EME2: variants seen among roughly 807,000 people sequenced by gnomAD.
The protein encoded by EME2 is essential meiotic structure-specific endonuclease subunit 2, also known as structure-specific endonuclease subunit EME2.
Under a neutral mutation model 41.9 loss-of-function variants are expected in EME2, and 58 were observed. That is an observed-to-expected ratio of 1.38 (90% confidence interval 1.12 to 1.72). EME2 has a LOEUF of 1.72. Ranked by LOEUF, EME2 falls within the 40% of genes most tolerant of loss-of-function variation. The pLI is 0.00. For missense variants in EME2, 695 were observed against 541.9 expected (o/e 1.28, Z -2.81); for synonymous variants, 334 against 239.3 (o/e 1.40, Z -3.65).
At chr16:1,775,544 G>A (rs754237809) in intron 5 of EME2, 25 bp from the exon 6 acceptor site, 105 of 1,610,232 alleles carry the variant, frequency 6.5e-5, no homozygotes, top group South Asian at 6.6e-5. Flanking sequence ...TCTGGCTCGT[G>A]CCCATCAGCT....
Position 1,776,995 on chromosome 16 carries a change from C to G in EME2, c.*757C>G, listed in dbSNP as rs2042723228. The G allele has an allele frequency of 1.4e-6, 2 of 1,391,288 alleles. No homozygotes were observed. Among genetic ancestry groups the G allele is most frequent in the Non-Finnish European group, 2.0e-6 (2 of 1,024,278 alleles). 86.2% of individuals were successfully genotyped at this position (1,391,288 alleles called of 1,614,324 possible). A position where few individuals can be genotyped will look rare whatever the true frequency, so the allele number is the denominator to read the frequency against. Reference sequence around the variant, plus strand: ...TGGCTCCCTCCGGACGGGCCTCATCCAACTCCGCCCTGGAGTGTGGCTGGA... The same window carrying G: ...TGGCTCCCTCCGGACGGGCCTCATCGAACTCCGCCCTGGAGTGTGGCTGGA... On this transcript the variant is annotated 3_prime_UTR_variant, in exon 8 of 8. Coordinates refer to ENST00000568449, the MANE Select transcript of EME2 (RefSeq NM_001257370.2).
rs766944869 is a variant in EME2, at chr16:1,778,060, G to A, written c.*1822G>A. ...CCGATGCCCACCATCTAGGAACAGG[G>A]GCCAGGCAGAGGGCGCGGGGCTGGG... is the stretch of plus-strand genomic sequence containing the variant. On this transcript the variant is annotated 3_prime_UTR_variant, in exon 8 of 8. Transcript: ENST00000568449. 11 of 1,613,010 alleles carry A rather than the reference G, an allele frequency of 6.8e-6. No homozygotes were observed. Among genetic ancestry groups the A allele is most frequent in the Admixed American group, 1.7e-5 (1 of 60,002 alleles).
Position 1,780,952 on chromosome 16 carries a change from C to G in EME2, c.*4714C>G. The G allele has an allele frequency of 2.8e-6, 1 of 352,116 alleles. No homozygotes were observed. Among genetic ancestry groups the G allele is most frequent in the South Asian group, 2.3e-5 (1 of 44,350 alleles). The allele number at this position is 352,116 out of a possible 1,614,324, so 21.8% of individuals were successfully genotyped here. ...TTCACCATGTTGCCCAGGCAGGTCT[C>G]AAACTCCTGGGCTCAAGTGGTCCTC... On this transcript the variant is annotated 3_prime_UTR_variant, in exon 8 of 8. Coordinates refer to ENST00000568449, the MANE Select transcript of EME2 (RefSeq NM_001257370.2).
intron 2 of EME2, 139 bp downstream of exon 2, chr16:1,773,980 G>A (rs901086909): frequency 1.7e-6 from 2 of 1,189,526 alleles, no homozygotes; most frequent in Non-Finnish European, 2.3e-6. Context: ...ATGGAGAACG[G>A]GAAGTGGAGG....
rs750216641 is a variant in EME2, at chr16:1,777,698, T to G, written c.*1460T>G. The G allele has an allele frequency of 2.5e-6, 4 of 1,599,282 alleles. No individual in the cohort carries two copies. The South Asian group carries it at 4.4e-5, about 18-fold the overall frequency. On this transcript the variant is annotated 3_prime_UTR_variant, in exon 8 of 8. Coordinates refer to ENST00000568449, the MANE Select transcript of EME2 (RefSeq NM_001257370.2). ...CCTGGGCTGGGGCGGGGTGGCTGCC[T>G]CCCTCGGGGTGACAGCTGAGAGGAG... is the stretch of plus-strand genomic sequence containing the variant.
chr16:1,773,147 C>A lies in EME2; in HGVS notation c.-81C>A. On this transcript the variant is annotated 5_prime_UTR_variant, in exon 1 of 8. Transcript: ENST00000568449. ...CGGGTCCGCGTCCTCAGCGGTCCGG[C>A]CGGAAGTCACCGGAAGAGGCCGGTG... 1 of 1,393,722 alleles carries A rather than the reference C, an allele frequency of 7.2e-7. No homozygotes were observed. The highest frequency in any genetic ancestry group is 2.9e-5 in the East Asian group (1 of 34,788). The allele number at this position is 1,393,722 out of a possible 1,614,324, so 86.3% of individuals were successfully genotyped here.
chr16:1,778,768 G>A lies in EME2; in HGVS notation c.*2530G>A. 1.3e-6 allele frequency: 1 copy of A among 776,088 alleles called. No homozygotes were observed. Among genetic ancestry groups the A allele is most frequent in the Non-Finnish European group, 1.9e-6 (1 of 519,124 alleles). 48.1% of individuals were successfully genotyped at this position (776,088 alleles called of 1,614,324 possible). On this transcript the variant is annotated 3_prime_UTR_variant, in exon 8 of 8. Transcript: ENST00000568449. ...CACAGTACCCCGAGCGCACAGCCCA[G>A]GCTCCCTCCCAACGGGCTCCGGCTC...
rs891304369 is a variant in EME2 at position 1,772,945 on chromosome 16, G to T, written c.-283G>T. 2 of 1,447,326 alleles carry T rather than the reference G, an allele frequency of 1.4e-6. No homozygotes were observed. The highest frequency in any genetic ancestry group is 1.8e-6 in the Non-Finnish European group (2 of 1,105,812). The allele number at this position is 1,447,326 out of a possible 1,614,324, so 89.7% of individuals were successfully genotyped here. A position where few individuals can be genotyped will look rare whatever the true frequency, so the allele number is the denominator to read the frequency against. ...AGCTGCAAGAGGCGGCTCTCGCGGC[G>T]CACGTCGGCCCAGGCCCGGACCGGC... is the stretch of plus-strand genomic sequence containing the variant. On this transcript the variant is annotated 5_prime_UTR_variant, in exon 1 of 8. Transcript: ENST00000568449.
At position 1,781,334 on chromosome 16, in the gene EME2, T is replaced by G; in HGVS notation, c.*5096T>G. 1 of 1,612,878 alleles carries G rather than the reference T, an allele frequency of 6.2e-7. No individual in the cohort carries two copies. Among genetic ancestry groups the G allele is most frequent in the Non-Finnish European group, 8.5e-7 (1 of 1,179,984 alleles). On this transcript the variant is annotated 3_prime_UTR_variant, in exon 8 of 8. Coordinates refer to ENST00000568449, the MANE Select transcript of EME2 (RefSeq NM_001257370.2). ...ATCTCCACACCTTAGGCCAGCCACG[T>G]CCGCCTCGCCCGCTGGAACCTACCT...
rs1181200326 is a variant in EME2, at chr16:1,780,646, G to A, written c.*4408G>A. 1 of 160,526 alleles carries A rather than the reference G, an allele frequency of 6.2e-6. No homozygotes were observed. Among genetic ancestry groups the A allele is most frequent in the Non-Finnish European group, 1.4e-5 (1 of 72,378 alleles). 9.9% of individuals were successfully genotyped at this position (160,526 alleles called of 1,614,324 possible). A position where few individuals can be genotyped will look rare whatever the true frequency, so the allele number is the denominator to read the frequency against. On this transcript the variant is annotated 3_prime_UTR_variant, in exon 8 of 8. Coordinates refer to ENST00000568449, the MANE Select transcript of EME2 (RefSeq NM_001257370.2). ...ATATGTGAACAAAGAGTATGCGTTT[G>A]TACTGGCAGAAGAAGCGTCTGGTAA...
Position 1,775,604 on chromosome 16 carries a change from C to T in EME2, c.699C>T (p.Asp233=), listed in dbSNP as rs139103048. The T allele has an allele frequency of 3.3e-3, 5,300 of 1,612,928 alleles. 18 individuals are homozygous for T. The highest frequency in any genetic ancestry group is 6.8e-3 in the Middle Eastern group (41 of 6,062). ...TCCTGCAGCTCTGGGCAAACCTGGA[C>T]GTGCTACTGGTGGCCTCTTGGCAGG... ...LVLLQLWANL[D]VLLVASWQEL... The change falls in exon 6 of 8, where the codon GAC becomes GAT. Residue 233 remains aspartate (D), a synonymous_variant. Coordinates refer to ENST00000568449, the MANE Select transcript of EME2 (RefSeq NM_001257370.2).
At chr16:1,773,501 CGGG>C (rs781430565) in intron 1 of EME2, 27 bp downstream of exon 1, 1 of 1,574,926 alleles carries the variant, frequency 6.3e-7, no homozygotes, top group South Asian at 1.1e-5. Flanking sequence ...GGGCGATACT[CGGG>C]GTAGGAAAGG....
In EME2 at chr16:1,773,191, G is replaced by A; in HGVS notation, c.-37G>A. 1 of 1,435,038 alleles carries A rather than the reference G, an allele frequency of 7.0e-7. No homozygotes were observed. Among genetic ancestry groups the A allele is most frequent in the South Asian group, 1.5e-5 (1 of 66,898 alleles). 88.9% of individuals were successfully genotyped at this position (1,435,038 alleles called of 1,614,324 possible). ...GCCGGTGTCCCAGGCTAAAGTGTTC[G>A]GTCGCGGCCGGAAGCGAGGAAGAGG... On this transcript the variant is annotated 5_prime_UTR_variant, in exon 1 of 8. Transcript: ENST00000568449.
At chr16:1,773,648 A>G in intron 1 of EME2, 57 bp from the exon 2 acceptor site, 1 of 1,545,424 alleles carries the variant, frequency 6.5e-7, no homozygotes, top group Non-Finnish European at 8.7e-7. Context: ...CCGCCCAGGT[A>G]GGGCGCTCGC....
At position 1,772,935 on chromosome 16, in the gene EME2, C is replaced by T; in HGVS notation, c.-293C>T. ...GCGGCCGAGCAGCTGCAAGAGGCGG[C>T]TCTCGCGGCGCACGTCGGCCCAGGC... On this transcript the variant is annotated 5_prime_UTR_variant, in exon 1 of 8. Transcript: ENST00000568449. The T allele has an allele frequency of 6.9e-7, 1 of 1,446,968 alleles. No homozygotes were observed. The highest frequency in any genetic ancestry group is 2.7e-5 in the East Asian group (1 of 36,904). 89.6% of individuals were successfully genotyped at this position (1,446,968 alleles called of 1,614,324 possible). A position where few individuals can be genotyped will look rare whatever the true frequency, so the allele number is the denominator to read the frequency against.
chr16:1,778,193 C>T lies in EME2; in HGVS notation c.*1955C>T, dbSNP rs1472636704. 2 of 1,612,882 alleles carry T rather than the reference C, an allele frequency of 1.2e-6. No homozygotes were observed. The highest frequency in any genetic ancestry group is 1.7e-6 in the Non-Finnish European group (2 of 1,179,970). ...ATCTCCCAGAAGTGCTGGCCCTCCC[C>T]CAGCTCCTTGGTGCCCCGGATGGCC... is the stretch of plus-strand genomic sequence containing the variant. On this transcript the variant is annotated 3_prime_UTR_variant, in exon 8 of 8. Coordinates refer to ENST00000568449, the MANE Select transcript of EME2 (RefSeq NM_001257370.2).
rs1338745695 is a variant in EME2, at chr16:1,773,680, C to G, written c.248-25C>G. On this transcript the variant is annotated intron_variant, in intron 1 of 7. Coordinates refer to ENST00000568449, the MANE Select transcript of EME2 (RefSeq NM_001257370.2). Reference sequence around the variant, plus strand: ...TCGCGAGGGTGGAAGGAAGCAGTGACCGCGCTCCTCTCCCCCGGTCCCAGC... The same window carrying G: ...TCGCGAGGGTGGAAGGAAGCAGTGAGCGCGCTCCTCTCCCCCGGTCCCAGC... The G allele has an allele frequency of 3.2e-6, 5 of 1,547,718 alleles. No homozygotes were observed. In the African/African-American group the frequency reaches 4.1e-5, roughly 13 times the overall value.
intron 1 of EME2, 63 bp downstream of exon 1, chr16:1,773,537 C>A: frequency 1.3e-6 from 2 of 1,532,182 alleles, no homozygotes; most frequent in East Asian, 2.4e-5. Context: ...AGGCGGCGCC[C>A]TCTGTCCGAC....
chr16:1,779,190 T>C lies in EME2; in HGVS notation c.*2952T>C, dbSNP rs2042758019. 6.6e-6 allele frequency: 1 copy of C among 152,624 alleles called. No individual in the cohort carries two copies. The highest frequency in any genetic ancestry group is 1.5e-5 in the Non-Finnish European group (1 of 68,278). The allele number at this position is 152,624 out of a possible 1,614,324, so 9.5% of individuals were successfully genotyped here. A position where few individuals can be genotyped will look rare whatever the true frequency, so the allele number is the denominator to read the frequency against. ...CCAGCCCCTTCACCCCTGTTCCATT[T>C]TTCTTCTTTTGCTTCACTGAAGTTC... On this transcript the variant is annotated 3_prime_UTR_variant, in exon 8 of 8. Coordinates refer to ENST00000568449, the MANE Select transcript of EME2 (RefSeq NM_001257370.2).
Sources: allele counts gnomAD v4.1 joint callset, GRCh38; gene constraint gnomAD v4.1.1; transcripts MANE v1.5; gene names NCBI Gene and HGNC (gene_info 2026-07-23, HGNC 2026-07-21).